The following DLGAP1 variants were observed in gnomAD, a reference collection of about 807,000 sequenced individuals.
DLGAP1 encodes the protein DLG associated protein 1, also known as disks large-associated protein 1.
In DLGAP1, 11 loss-of-function variants were observed where a neutral mutation model predicts 90.8. The ratio of observed to expected loss-of-function variants is 0.12; its 90% CI spans 0.08 to 0.20. The LOEUF is 0.20. DLGAP1 is among the 10% of genes least tolerant of loss of function. The probability of loss-of-function intolerance (pLI) is 1.00; values close to 1 mark genes in which losing one functional copy is unlikely to be tolerated. For synonymous variants in DLGAP1, 558 were observed against 540.7 expected (o/e 1.03, Z -0.44); for missense variants, 1,050 against 1,333.8 (o/e 0.79, Z 3.31).
At chr18:3,979,196 T>C (rs1367168104) in intron 3 of DLGAP1, among the ~76,000 whole-genome samples, 2 of 152,160 alleles carry the variant, frequency 1.3e-5, no homozygotes, top group African/African-American at 4.8e-5. Flanking sequence ...CTGCATTGCA[T>C]GTACAGTGGC....
chr18:4,050,800 C>T (rs924414528), intron 2 of DLGAP1, among the ~76,000 whole-genome samples: 6 of 152,098 alleles, frequency 3.9e-5, no homozygotes, highest in African/African-American at 9.7e-5. Context: ...AATCACTTGC[C>T]TCTTATCTTT....
intron 1 of DLGAP1, among the ~76,000 whole-genome samples, chr18:4,215,194 C>T (rs1247541039): frequency 6.6e-6 from 1 of 151,994 alleles, no homozygotes; most frequent in Non-Finnish European, 1.5e-5. Flanking sequence ...GAAATGATGC[C>T]ATCTGCATAA....
intron 1 of DLGAP1, among the ~76,000 whole-genome samples, chr18:4,231,877 G>T (rs2078306187): frequency 6.6e-6 from 1 of 152,098 alleles, no homozygotes; most frequent in Non-Finnish European, 1.5e-5. Flanking sequence ...CATTAGTAGG[G>T]AATATGCTAT....
chr18:3,952,167 T>C (rs911213380), intron 3 of DLGAP1, among the ~76,000 whole-genome samples: 16 of 152,248 alleles, frequency 1.1e-4, no homozygotes, highest in African/African-American at 3.6e-4. Flanking sequence ...AGCATTTGAC[T>C]GAAGTTAATT....
At chr18:3,860,829 A>G (rs1047635577) in intron 4 of DLGAP1, among the ~76,000 whole-genome samples, 2 of 152,238 alleles carry the variant, frequency 1.3e-5, no homozygotes, top group African/African-American at 4.8e-5. Context: ...AAATAATGAG[A>G]AAATGCTAAG....
At chr18:3,804,004 A>ATATATATATATAT (rs61369471) in intron 5 of DLGAP1, among the ~76,000 whole-genome samples, 5 of 79,446 alleles carry the variant, frequency 6.3e-5, no homozygotes, top group East Asian at 3.3e-4. Flanking sequence ...ATATATATAT[A>ATATATATATATAT]ATTTTTTTTG....
intron 5 of DLGAP1, among the ~76,000 whole-genome samples, chr18:3,744,870 G>A (rs533897559): frequency 6.6e-6 from 1 of 152,246 alleles, no homozygotes; most frequent in Admixed American, 6.5e-5. Flanking sequence ...TTATTCAAAT[G>A]TAACAAACTC....
intron 2 of DLGAP1, among the ~76,000 whole-genome samples, chr18:4,099,290 GTCTATCATCTATCTA>G (rs1168418611): frequency 6.9e-6 from 1 of 145,612 alleles, no homozygotes; most frequent in Non-Finnish European, 1.5e-5. Flanking sequence ...CTATCTATCT[GTCTATCATCTATCTA>G]TCTATCTATC....
intron 5 of DLGAP1, among the ~76,000 whole-genome samples, chr18:3,750,400 T>C (rs1471611685): frequency 6.6e-6 from 1 of 152,242 alleles, no homozygotes; most frequent in Non-Finnish European, 1.5e-5. Flanking sequence ...TCCATGTCTT[T>C]GCTATTGTGA....
chr18:3,862,903 C>G (rs2070167938), intron 4 of DLGAP1, among the ~76,000 whole-genome samples: 2 of 152,252 alleles, frequency 1.3e-5, no homozygotes, highest in Non-Finnish European at 2.9e-5. Context: ...CCTCCCTGCC[C>G]CGCTTTGGGC....
chr18:4,122,699 G>A (rs2076172148), intron 2 of DLGAP1, among the ~76,000 whole-genome samples: 1 of 152,186 alleles, frequency 6.6e-6, no homozygotes, highest in Non-Finnish European at 1.5e-5. Context: ...GTAAGTATTT[G>A]TATTTTCATT....
intron 1 of DLGAP1, among the ~76,000 whole-genome samples, chr18:4,171,684 T>C (rs537023781): frequency 1.3e-5 from 2 of 152,270 alleles, no homozygotes; most frequent in Non-Finnish European, 1.5e-5. Flanking sequence ...TTTTCTAAAA[T>C]AAATTTTATT....
intron 3 of DLGAP1, among the ~76,000 whole-genome samples, chr18:4,002,367 A>G (rs2074205427): frequency 6.6e-6 from 1 of 152,150 alleles, no homozygotes; most frequent in South Asian, 2.1e-4. Context: ...AGGTCCATTT[A>G]CATGCAGATT....
At position 3,860,731 on chromosome 18, in the gene DLGAP1, G is replaced by A. The variant is rs77663962; in HGVS notation, c.957+18381C>T. Among the ~76,000 whole-genome samples, 1,186 of 152,256 alleles carry A rather than the reference G, an allele frequency of 7.8e-3. 14 individuals are homozygous for A. Among genetic ancestry groups the A allele is most frequent in the African/African-American group, 0.027 (1,106 of 41,550 alleles). ...GCCCTTGAATTTGTGACGTTTCATG[G>A]AAAAAGGGACTTTGCAGATGGAATT... On this transcript the variant is annotated intron_variant, in intron 4 of 12. Transcript: ENST00000315677.
intron 2 of DLGAP1, among the ~76,000 whole-genome samples, chr18:4,091,220 T>C (rs1234208564): frequency 1.3e-5 from 2 of 152,122 alleles, no homozygotes; most frequent in Non-Finnish European, 2.9e-5. Context: ...AACCTGCATG[T>C]TCTGCACATG....
At position 3,568,156 on chromosome 18, in the gene DLGAP1, C is replaced by T. The variant is rs143562810; in HGVS notation, c.1966-575G>A. Among the ~76,000 whole-genome samples, 224 of 152,168 alleles carry T rather than the reference C, an allele frequency of 1.5e-3. 1 individual carries two copies. The highest frequency in any genetic ancestry group is 4.8e-3 in the African/African-American group (198 of 41,508). On this transcript the variant is annotated intron_variant, in intron 8 of 12. Transcript: ENST00000315677. Reference sequence around the variant, plus strand: ...TCAAGTGTTCTGCCCGCCTGGGCCTCCCAAAGTGTTGAGATTACAGGCGTG... The same window carrying T: ...TCAAGTGTTCTGCCCGCCTGGGCCTTCCAAAGTGTTGAGATTACAGGCGTG...
At chr18:3,585,234 A>T (rs548957198) in intron 7 of DLGAP1, among the ~76,000 whole-genome samples, 2 of 152,370 alleles carry the variant, frequency 1.3e-5, no homozygotes, top group South Asian at 4.1e-4. Context: ...CCTCTGGCTA[A>T]ACAATGCCAG....
intron 1 of DLGAP1, among the ~76,000 whole-genome samples, chr18:4,206,354 T>C (rs2077719815): frequency 6.6e-6 from 1 of 152,108 alleles, no homozygotes; most frequent in Non-Finnish European, 1.5e-5. Flanking sequence ...TTTGCAAAAA[T>C]GACTGAGTCT....
intron 1 of DLGAP1, among the ~76,000 whole-genome samples, chr18:4,212,925 T>C (rs2144901876): frequency 6.6e-6 from 1 of 152,330 alleles, no homozygotes; most frequent in East Asian, 1.9e-4. Flanking sequence ...TAAGAGATTC[T>C]GTCATCTAAA....
Sources: allele counts gnomAD v4.1 joint callset (sites outside exome capture counted in the v4.1 genomes callset), GRCh38; gene constraint gnomAD v4.1.1; transcripts MANE v1.5; gene names NCBI Gene and HGNC (gene_info 2026-07-23, HGNC 2026-07-21).